Variants in DSPP observed in about 807,000 individuals in gnomAD.
DSPP encodes dentin sialophosphoprotein.
Under a neutral mutation model 29.1 loss-of-function variants are expected in DSPP, and 28 were observed. The observed-to-expected ratio is 0.96, with a 90% CI of 0.71 to 1.32. The LOEUF is 1.32. DSPP is among the 40% of genes most tolerant of loss of function. DSPP has a pLI of 0.00. For synonymous variants in DSPP, 481 were observed against 503.4 expected (o/e 0.96, Z 0.60); for missense variants, 1,281 against 1,629.9 (o/e 0.79, Z 3.69).
chr4:87,609,025 T>A (rs924182070), intron 1 of DSPP, among the ~76,000 whole-genome samples: 3 of 152,242 alleles, frequency 2.0e-5, no homozygotes, highest in Non-Finnish European at 4.4e-5. Flanking sequence ...TTGTCCCACA[T>A]GAAATGAAAT....
Position 87,614,840 on chromosome 4 carries a change from T to C in DSPP, c.2178T>C (p.Ser726=), listed in dbSNP as rs1381971826. The C allele has an allele frequency of 6.5e-7, 1 of 1,550,030 alleles. No homozygotes were observed. Among genetic ancestry groups the C allele is most frequent in the East Asian group, 2.4e-5 (1 of 40,830 alleles). ...SDSSNSNSSD[S]DSSNSSDSSD... is the part of the protein sequence containing the mutation. Reference sequence around the variant, plus strand: ...GCAGTAATAGTAACAGCAGCGATAGTGACAGCAGCAACAGCAGCGATAGCA... The same window carrying C: ...GCAGTAATAGTAACAGCAGCGATAGCGACAGCAGCAACAGCAGCGATAGCA... The change falls in exon 5 of 5, where the codon AGT becomes AGC. Residue 726 remains serine, a synonymous_variant. Transcript: ENST00000651931.
rs760818658 is a variant in DSPP, at chr4:87,614,845, G to T, written c.2183G>T (p.Ser728Ile). The change falls in exon 5 of 5, where the codon AGC becomes ATC. Residue 728 changes from serine to isoleucine, a missense_variant. Coordinates refer to ENST00000651931, the MANE Select transcript of DSPP (RefSeq NM_014208.3). ...SSNSNSSDSDSSNSSDSSDSS... is the reference protein window; with the variant it reads ...SSNSNSSDSDISNSSDSSDSS... ...AATAGTAACAGCAGCGATAGTGACA[G>T]CAGCAACAGCAGCGATAGCAGTGAC... 6.4e-6 allele frequency: 10 copies of T among 1,551,090 alleles called. No individual in the cohort carries two copies. The highest frequency in any genetic ancestry group is 7.0e-6 in the Non-Finnish European group (8 of 1,146,784).
Position 87,614,812 on chromosome 4 carries a change from A to G in DSPP, c.2150A>G (p.Asp717Gly). The change falls in exon 5 of 5, where the codon GAC becomes GGC. Residue 717 changes from aspartate to glycine, a missense_variant. Around this residue, in one of 4 missense-constraint regions of DSPP, gnomAD observed 444 missense variants for 611.4 expected, o/e 0.73. Transcript: ENST00000651931. ...SSDSDSSDSS[D>G]SSNSNSSDSD... The stretch of plus-strand genomic sequence containing the variant: ...GATAGTGACAGCAGTGATAGTAGTG[A>G]CAGCAGTAATAGTAACAGCAGCGAT... The G allele has an allele frequency of 6.5e-7, 1 of 1,550,340 alleles. No individual in the cohort carries two copies. Among genetic ancestry groups the G allele is most frequent in the Non-Finnish European group, 8.7e-7 (1 of 1,146,766 alleles).
rs1170254445 is a variant in DSPP, at chr4:87,613,767, T to C, written c.1123-18T>C. ...AAATATTCACTAGTTAATCATTCTT[T>C]CCTCCATCCTTCCATAGGGAATAGA... On this transcript the variant is annotated intron_variant, in intron 4 of 4. Coordinates refer to ENST00000651931, the MANE Select transcript of DSPP (RefSeq NM_014208.3). The C allele has an allele frequency of 6.2e-7, 1 of 1,614,132 alleles. No homozygotes were observed. The highest frequency in any genetic ancestry group is 8.5e-7 in the Non-Finnish European group (1 of 1,179,996).
Position 87,614,744 on chromosome 4 carries a change from C to G in DSPP, c.2082C>G (p.Asp694Glu). ...GCAGTGATAGTAGTGACAGTAGTGA[C>G]AGCAGCAATAGCAGTGAGAGCAGTG... The part of the protein sequence containing the change: ...SNSSDSSDSS[D>E]SSNSSESSDS... Residue 694 changes from aspartate (D) to glutamate (E), a missense_variant, in exon 5 of 5, where the codon GAC (aspartate) becomes GAG (glutamate). This residue lies in a region of DSPP where 444 missense variants were observed against 611.4 expected (regional missense o/e 0.73). Transcript: ENST00000651931. 6.5e-7 allele frequency: 1 copy of G among 1,531,588 alleles called. No homozygotes were observed. Among genetic ancestry groups the G allele is most frequent in the Non-Finnish European group, 8.8e-7 (1 of 1,136,570 alleles). The allele number at this position is 1,531,588 out of a possible 1,614,324, so 94.9% of individuals were successfully genotyped here. A position where few individuals can be genotyped will look rare whatever the true frequency, so the allele number is the denominator to read the frequency against.
At position 87,614,021 on chromosome 4, in the gene DSPP, T is replaced by C. The variant is rs1000349125; in HGVS notation, c.1359T>C (p.Tyr453=). The change falls in exon 5 of 5, where the codon TAT becomes TAC. Residue 453 remains tyrosine (Y), a synonymous_variant. Transcript: ENST00000651931. ...SDSNSDGYDS[Y]DFDDKSMQGD... is the part of the protein sequence containing the mutation. ...GCAATAGTGATGGATATGACAGTTA[T>C]GATTTTGATGATAAGTCCATGCAAG... 1.9e-6 allele frequency: 3 copies of C among 1,614,110 alleles called. No individual in the cohort carries two copies. The highest frequency in any genetic ancestry group is 1.7e-6 in the Non-Finnish European group (2 of 1,180,052).
intron 3 of DSPP, 53 bp from the exon 4 acceptor site, chr4:87,612,269 C>T (rs2109995414): frequency 6.2e-7 from 1 of 1,612,706 alleles, no homozygotes; most frequent in Non-Finnish European, 8.5e-7. Context: ...TTGCAATTTG[C>T]TTTCCTTCAA....
rs1383889919 is a variant in DSPP at position 87,614,619 on chromosome 4, A to G, written c.1957A>G (p.Asn653Asp). The G allele has an allele frequency of 1.3e-6, 2 of 1,548,272 alleles. No homozygotes were observed. Among genetic ancestry groups the G allele is most frequent in the African/African-American group, 2.7e-5 (2 of 73,060 alleles). The change falls in exon 5 of 5, where the codon AAC becomes GAC. Residue 653 changes from asparagine (N) to aspartate (D), a missense_variant. By Grantham distance (23) the Asn-to-Asp change is conservative. Transcript: ENST00000651931. ...SDSNSSDSSD[N>D]SDSSDSSNSS... ...CAGCAACAGCAGTGACAGTAGTGAC[A>G]ACAGTGATAGCAGCGACAGCAGCAA... is the stretch of plus-strand genomic sequence containing the variant.
intron 4 of DSPP, 99 bp downstream of exon 4, chr4:87,613,407 A>AT: frequency 7.1e-7 from 1 of 1,413,336 alleles, no homozygotes; most frequent in Admixed American, 1.8e-5. Flanking sequence ...GCATCCATGT[A>AT]TTTTTGTATC....
chr4:87,612,771 T>C lies in DSPP; in HGVS notation c.585T>C (p.Asn195=). The part of the protein sequence containing the change: ...QVAGSNNSTD[N]EDEIIENSCR... ...CTGGAAGCAATAACAGTACAGACAA[T>C]GAGGATGAAATAATTGAGAATTCCT... Residue 195 remains asparagine, a synonymous_variant, in exon 4 of 5, where the codon AAT becomes AAC. Coordinates refer to ENST00000651931, the MANE Select transcript of DSPP (RefSeq NM_014208.3). 6.2e-7 allele frequency: 1 copy of C among 1,613,910 alleles called. No individual in the cohort carries two copies. Among genetic ancestry groups the C allele is most frequent in the Non-Finnish European group, 8.5e-7 (1 of 1,179,966 alleles).
In DSPP at chr4:87,616,590, A is replaced by C. The variant is rs983609574; in HGVS notation, c.*22A>C. 1.3e-6 allele frequency: 2 copies of C among 1,551,614 alleles called. No individual in the cohort carries two copies. On this transcript the variant is annotated 3_prime_UTR_variant, in exon 5 of 5. Coordinates refer to ENST00000651931, the MANE Select transcript of DSPP (RefSeq NM_014208.3). Reference sequence around the variant, plus strand: ...TTAGAACAAAAGAAAAACCCGTAAGATTCCTTTTGTGAAAAGTTTGGTAAT... The same window carrying C: ...TTAGAACAAAAGAAAAACCCGTAAGCTTCCTTTTGTGAAAAGTTTGGTAAT...
chr4:87,613,641 G>A (rs756985592), intron 4 of DSPP, 144 bp from the exon 5 acceptor site: 55 of 1,243,682 alleles, frequency 4.4e-5, no homozygotes, highest in Non-Finnish European at 6.3e-5. Context: ...ACAGAATAAA[G>A]CACATTTTCA....
chr4:87,613,659 C>A, intron 4 of DSPP, 126 bp from the exon 5 acceptor site: 1 of 1,332,394 alleles, frequency 7.5e-7, no homozygotes, highest in South Asian at 1.3e-5. Context: ...TCACAAATAA[C>A]TGTGAAGTAC....
In DSPP at chr4:87,615,053, C is replaced by G; in HGVS notation, c.2391C>G (p.Ser797Arg). The G allele has an allele frequency of 1.3e-6, 2 of 1,549,984 alleles. No homozygotes were observed. Among genetic ancestry groups the G allele is most frequent in the South Asian group, 2.4e-5 (2 of 84,006 alleles). ...GCAATAGCAGTGACAGCAGTGATAGCAGCAACAGCAGTGATAGCAGCAACA... is the reference window on the plus strand; with the variant it reads ...GCAATAGCAGTGACAGCAGTGATAGGAGCAACAGCAGTGATAGCAGCAACA... ...DSSNSSDSSD[S>R]SNSSDSSNSS... is the part of the protein sequence containing the mutation. The change falls in exon 5 of 5, where the codon AGC (serine) becomes AGG (arginine). Residue 797 changes from serine to arginine, a missense_variant. Physicochemically the swap from Ser to Arg is moderately radical, Grantham distance 110 (BLOSUM62 -1). Transcript: ENST00000651931.
At position 87,614,960 on chromosome 4, in the gene DSPP, C is replaced by A. The variant is rs1553904209; in HGVS notation, c.2298C>A (p.Asp766Glu). Residue 766 changes from aspartate (D) to glutamate (E), a missense_variant, in exon 5 of 5, where the codon GAC becomes GAA. Coordinates refer to ENST00000651931, the MANE Select transcript of DSPP (RefSeq NM_014208.3). ...SDSSDSSNSS[D>E]SSDSSDSSDS... Reference sequence around the variant, plus strand: ...GCAGTGACAGCAGCAACAGCAGTGACAGCAGTGATAGCAGTGACAGCAGTG... The same window carrying A: ...GCAGTGACAGCAGCAACAGCAGTGAAAGCAGTGATAGCAGTGACAGCAGTG... 9.0e-6 allele frequency: 14 copies of A among 1,550,604 alleles called. No individual in the cohort carries two copies. In the South Asian group the frequency reaches 1.7e-4, roughly 18 times the overall value.
chr4:87,614,834 C>A lies in DSPP; in HGVS notation c.2172C>A (p.Ser724Arg), dbSNP rs565395004. 4 of 1,550,942 alleles carry A rather than the reference C, an allele frequency of 2.6e-6. No homozygotes were observed. Among genetic ancestry groups the A allele is most frequent in the Non-Finnish European group, 3.5e-6 (4 of 1,146,818 alleles). ...DSSDSSNSNS[S>R]DSDSSNSSDS... The stretch of plus-strand genomic sequence containing the variant: ...GTGACAGCAGTAATAGTAACAGCAG[C>A]GATAGTGACAGCAGCAACAGCAGCG... The change falls in exon 5 of 5, where the codon AGC (serine) becomes AGA (arginine). Residue 724 changes from serine to arginine, a missense_variant. Physicochemically the swap from Ser to Arg is moderately radical, Grantham distance 110. This residue lies in a region of DSPP where 444 missense variants were observed against 611.4 expected (regional missense o/e 0.73). Coordinates refer to ENST00000651931, the MANE Select transcript of DSPP (RefSeq NM_014208.3).
rs1248413863 is a variant in DSPP at position 87,612,529 on chromosome 4, A to C, written c.343A>C (p.Lys115Gln). The change falls in exon 4 of 5, where the codon AAA (lysine) becomes CAA (glutamine). Residue 115 changes from lysine to glutamine, a missense_variant. Around this residue, in one of 4 missense-constraint regions of DSPP, gnomAD observed 631 missense variants for 643.2 expected, o/e 0.98. Transcript: ENST00000651931. ...NIEGWNGDTG[K>Q]AETYGHDGIH... Reference sequence around the variant, plus strand: ...TGAGGGCTGGAATGGGGACACAGGAAAAGCAGAAACATATGGTCATGATGG... The same window carrying C: ...TGAGGGCTGGAATGGGGACACAGGACAAGCAGAAACATATGGTCATGATGG... The C allele has an allele frequency of 6.2e-7, 1 of 1,614,168 alleles. No homozygotes were observed. The highest frequency in any genetic ancestry group is 1.7e-5 in the Admixed American group (1 of 60,020).
intron 1 of DSPP, among the ~76,000 whole-genome samples, chr4:87,610,471 G>A (rs1727712834): frequency 6.6e-6 from 1 of 152,152 alleles, no homozygotes; most frequent in Non-Finnish European, 1.5e-5. Flanking sequence ...TTAAAGTCTG[G>A]TATAGCTCAA....
intron 1 of DSPP, among the ~76,000 whole-genome samples, chr4:87,609,583 A>T (rs1259483397): frequency 6.6e-6 from 1 of 152,176 alleles, no homozygotes; most frequent in Non-Finnish European, 1.5e-5. Flanking sequence ...CAGCTATAAG[A>T]ATGAGCACTT....
Sources: gnomAD v4.1 joint callset for allele counts (sites outside exome capture counted in the v4.1 genomes callset) on GRCh38, gnomAD v4.1.1 for gene constraint, gnomAD v4.1.1 regional missense constraint, MANE v1.5 for transcripts, NCBI Gene and HGNC (gene_info 2026-07-23, HGNC 2026-07-21) for gene names.